FARS2: variants seen among roughly 807,000 people sequenced by gnomAD.
FARS2 encodes the protein phenylalanyl-tRNA synthetase 2, mitochondrial.
FARS2 carries 40 observed loss-of-function variants against 46.4 expected under a neutral mutation model. The observed-to-expected ratio is 0.86, with a 90% CI of 0.67 to 1.12. FARS2 has a LOEUF of 1.12. FARS2 is among the 50% of genes most tolerant of loss of function. The pLI, the probability that FARS2 is intolerant of heterozygous loss-of-function variation, is 0.00. For missense variants in FARS2, 513 were observed against 567.9 expected (o/e 0.90, Z 0.98); for synonymous variants, 234 against 214.9 (o/e 1.09, Z -0.78).
chr6:5,503,018 G>T lies in FARS2; in HGVS notation c.905-42162G>T, dbSNP rs536974781. 1.5e-3 allele frequency among the ~76,000 whole-genome samples: 230 copies of T among 152,058 alleles called. 1 individual carries two copies. The Middle Eastern group carries it at 0.017, about 11-fold the overall frequency. ...TGTAAATCCATTCAAAAAGCTCAAT[G>T]TTTATGATCAAATTATTTATTTTTG... On this transcript the variant is annotated intron_variant, in intron 4 of 6. Transcript: ENST00000274680.
chr6:5,424,311 A>G lies in FARS2; in HGVS notation c.773-6730A>G, dbSNP rs147459486. 4.3e-3 allele frequency among the ~76,000 whole-genome samples: 648 copies of G among 152,320 alleles called. 6 individuals are homozygous for G. Among genetic ancestry groups the G allele is most frequent in the African/African-American group, 0.015 (617 of 41,564 alleles). The stretch of plus-strand genomic sequence containing the variant: ...TTTTGGCAATATTTATTAAAATCAT[A>G]AAAGCATTTACTCTTCAACTCAACA... On this transcript the variant is annotated intron_variant, in intron 3 of 6. Coordinates refer to ENST00000274680, the MANE Select transcript of FARS2 (RefSeq NM_006567.5).
chr6:5,371,184 TG>T, intron 2 of FARS2: 3 of 984,970 alleles, frequency 3.0e-6, no homozygotes, highest in Non-Finnish European at 3.6e-6. Flanking sequence ...CTATGGAGAG[TG>T]GAGTCAGAAG....
chr6:5,425,649 G>C (rs1470659713), intron 3 of FARS2, among the ~76,000 whole-genome samples: 2 of 152,202 alleles, frequency 1.3e-5, no homozygotes, highest in Non-Finnish European at 2.9e-5. Context: ...TGTCCTGCTG[G>C]AGTTGAGACA....
chr6:5,595,990 T>C (rs1041929013), intron 5 of FARS2, among the ~76,000 whole-genome samples: 1 of 152,240 alleles, frequency 6.6e-6, no homozygotes, highest in Non-Finnish European at 1.5e-5. Flanking sequence ...TAGTTAATTA[T>C]ACCTTACCTA....
chr6:5,473,917 T>C (rs1765958461), intron 4 of FARS2, among the ~76,000 whole-genome samples: 1 of 152,188 alleles, frequency 6.6e-6, no homozygotes, highest in African/African-American at 2.4e-5. Context: ...CACCCTTGCA[T>C]CCCTAGCTGC....
intron 4 of FARS2, among the ~76,000 whole-genome samples, chr6:5,526,548 G>T (rs376029647): frequency 3.0e-4 from 45 of 152,212 alleles, no homozygotes; most frequent in African/African-American, 1.0e-3. Context: ...CTTTTATTTT[G>T]GAAAGCAATT....
intron 6 of FARS2, among the ~76,000 whole-genome samples, chr6:5,651,870 C>T (rs78800823): frequency 0.014 from 2,058 of 152,200 alleles, 61 homozygotes; most frequent in African/African-American, 0.047. Flanking sequence ...GATTTGAACC[C>T]AGGCTGTCCA....
At chr6:5,292,289 T>TTTAA (rs1268153505) in intron 1 of FARS2, among the ~76,000 whole-genome samples, 2 of 152,226 alleles carry the variant, frequency 1.3e-5, no homozygotes, top group Non-Finnish European at 2.9e-5. Flanking sequence ...AAAAGTGACC[T>TTTAA]TTAAGACTTC....
At chr6:5,543,055 G>T (rs1259433088) in intron 4 of FARS2, among the ~76,000 whole-genome samples, 1 of 152,086 alleles carries the variant, frequency 6.6e-6, no homozygotes, top group Non-Finnish European at 1.5e-5. Flanking sequence ...CAATTATGTT[G>T]TTGTTGAGTG....
intron 2 of FARS2, among the ~76,000 whole-genome samples, chr6:5,386,944 T>C (rs1274238552): frequency 6.6e-6 from 1 of 152,084 alleles, no homozygotes. Flanking sequence ...GCTGCATTCA[T>C]CTAGGGGAAG....
At chr6:5,629,002 C>T (rs1034280241) in intron 6 of FARS2, among the ~76,000 whole-genome samples, 1 of 152,208 alleles carries the variant, frequency 6.6e-6, no homozygotes, top group African/African-American at 2.4e-5. Context: ...AGGGTTGAGG[C>T]TGAGGTGACC....
chr6:5,370,548 C>T (rs1281789931), intron 2 of FARS2, among the ~76,000 whole-genome samples: 8 of 152,052 alleles, frequency 5.3e-5, no homozygotes, highest in African/African-American at 1.7e-4. Context: ...GCTGTGATGC[C>T]AGTAATATGA....
chr6:5,288,198 G>A lies in FARS2; in HGVS notation c.-22+26538G>A, dbSNP rs138483365. 5.1e-4 allele frequency among the ~76,000 whole-genome samples: 78 copies of A among 152,306 alleles called. No individual in the cohort carries two copies. The East Asian group carries it at 0.014, about 27-fold the overall frequency. On this transcript the variant is annotated intron_variant, in intron 1 of 6. Coordinates refer to ENST00000274680, the MANE Select transcript of FARS2 (RefSeq NM_006567.5). Reference sequence around the variant, plus strand: ...GCTGAGTCCAGTGATCATCTTTCATGTTTTGTCCAACCATCTGCCCTGAGA... The same window carrying A: ...GCTGAGTCCAGTGATCATCTTTCATATTTTGTCCAACCATCTGCCCTGAGA...
chr6:5,521,087 A>C (rs1769104103), intron 4 of FARS2, among the ~76,000 whole-genome samples: 1 of 151,812 alleles, frequency 6.6e-6, no homozygotes, highest in Non-Finnish European at 1.5e-5. Context: ...GAGTTCTTAG[A>C]AATCCTTCGT....
At chr6:5,342,263 T>G (rs1771708492) in intron 1 of FARS2, among the ~76,000 whole-genome samples, 1 of 152,252 alleles carries the variant, frequency 6.6e-6, no homozygotes, top group Non-Finnish European at 1.5e-5. Flanking sequence ...ATTCTAATAC[T>G]TCATTACAGT....
At chr6:5,514,948 G>GC (rs1554103801) in intron 4 of FARS2, among the ~76,000 whole-genome samples, 1 of 147,930 alleles carries the variant, frequency 6.8e-6, no homozygotes, top group Non-Finnish European at 1.5e-5. Context: ...TTTGTTTTTT[G>GC]TTTTTTTTTT....
intron 5 of FARS2, 41 bp from the exon 6 acceptor site, chr6:5,613,128 A>T (rs1264396660): frequency 1.9e-6 from 3 of 1,561,642 alleles, no homozygotes; most frequent in South Asian, 1.2e-5. Flanking sequence ...TTCTCATTCA[A>T]CTAACAAGTT....
intron 4 of FARS2, among the ~76,000 whole-genome samples, chr6:5,461,386 C>G (rs974760708): frequency 1.3e-5 from 2 of 152,144 alleles, no homozygotes; most frequent in Non-Finnish European, 2.9e-5. Flanking sequence ...GTTTTTCTCC[C>G]TGGGACTTAA....
chr6:5,586,169 C>G (rs1208342405), intron 5 of FARS2, among the ~76,000 whole-genome samples: 1 of 152,090 alleles, frequency 6.6e-6, no homozygotes, highest in Non-Finnish European at 1.5e-5. Flanking sequence ...TTCAAACAGA[C>G]AATTTATCTT....
Sources: gnomAD v4.1 joint callset for allele counts (sites outside exome capture counted in the v4.1 genomes callset) on GRCh38, gnomAD v4.1.1 for gene constraint, MANE v1.5 for transcripts, NCBI Gene and HGNC (gene_info 2026-07-23, HGNC 2026-07-21) for gene names.